AOPEP: variants seen among roughly 807,000 people sequenced by gnomAD.
AOPEP encodes aminopeptidase O.
Under a neutral mutation model 98.1 loss-of-function variants are expected in AOPEP, and 77 were observed. The ratio of observed to expected loss-of-function variants is 0.78; its 90% CI spans 0.65 to 0.95. AOPEP has a LOEUF of 0.95. Among genes scored for constraint, AOPEP ranks in the 40% least tolerant of loss-of-function variants. The probability of loss-of-function intolerance (pLI) is 0.00; values close to 1 mark genes in which losing one functional copy is unlikely to be tolerated. For missense variants in AOPEP, 1,024 were observed against 1,024.7 expected (o/e 1.00, Z 0.01); for synonymous variants, 346 against 365.3 (o/e 0.95, Z 0.60).
intron 5 of AOPEP, among the ~76,000 whole-genome samples, chr9:94,823,017 A>G (rs924409821): frequency 1.3e-5 from 2 of 148,398 alleles, no homozygotes; most frequent in Non-Finnish European, 3.0e-5. Context: ...CTTTTGTGAG[A>G]TGGAGTTTCG....
chr9:94,770,643 G>A (rs1840658288), intron 2 of AOPEP, among the ~76,000 whole-genome samples: 1 of 152,126 alleles, frequency 6.6e-6, no homozygotes, highest in Admixed American at 6.5e-5. Context: ...GTAAATGATG[G>A]GAGAGAGAGT....
chr9:95,004,237 G>A (rs1225930852), intron 11 of AOPEP: 2 of 456,520 alleles, frequency 4.4e-6, no homozygotes, highest in Non-Finnish European at 8.8e-6. Context: ...CGGATGAGAA[G>A]GCCTTTGGCG....
At chr9:94,904,014 T>G (rs1222431722) in intron 5 of AOPEP, 6 of 151,096 alleles carry the variant, frequency 4.0e-5, no homozygotes, top group Admixed American at 2.0e-4. Context: ...AAAAAAAAAT[T>G]ACTAAAACAT....
intron 3 of AOPEP, among the ~76,000 whole-genome samples, chr9:94,777,431 C>CAA (rs949209063): frequency 2.2e-5 from 2 of 91,996 alleles, no homozygotes; most frequent in Non-Finnish European, 2.2e-5. Flanking sequence ...GACTCCATCT[C>CAA]AAAAAAAAAA....
intron 5 of AOPEP, among the ~76,000 whole-genome samples, chr9:94,835,283 A>G (rs181916713): frequency 4.6e-5 from 7 of 152,286 alleles, no homozygotes; most frequent in African/African-American, 7.2e-5. Context: ...CCCCAAAACA[A>G]TGAGTACTTT....
intron 10 of AOPEP, 50 bp from the exon 11 acceptor site, chr9:94,979,317 G>A: frequency 8.0e-7 from 1 of 1,244,990 alleles, no homozygotes. Flanking sequence ...TGTGTAATAA[G>A]CGCTCTGTAA....
chr9:94,974,616 G>C (rs1375082427), intron 10 of AOPEP, among the ~76,000 whole-genome samples: 1 of 152,084 alleles, frequency 6.6e-6, no homozygotes, highest in African/African-American at 2.4e-5. Context: ...AAATGTAACC[G>C]AAGGGTTGAC....
the AOPEP span, among the ~76,000 whole-genome samples, chr9:95,129,885 G>A: frequency 6.6e-6 from 1 of 152,142 alleles, no homozygotes; most frequent in Non-Finnish European, 1.5e-5. Flanking sequence ...TCTGCTGGGT[G>A]TGCATCCCCT....
chr9:94,802,707 C>T (rs540399954), intron 5 of AOPEP, among the ~76,000 whole-genome samples: 5 of 152,226 alleles, frequency 3.3e-5, no homozygotes, highest in East Asian at 1.9e-4. Context: ...GCAGGAGAAC[C>T]GTATATTCAA....
the AOPEP span, among the ~76,000 whole-genome samples, chr9:95,103,033 A>G: frequency 6.6e-6 from 1 of 152,214 alleles, no homozygotes; most frequent in African/African-American, 2.4e-5. Context: ...TGACAGGCAC[A>G]TAGTGCTGAT....
At chr9:95,041,875 C>G (rs776702528) in intron 13 of AOPEP, among the ~76,000 whole-genome samples, 1 of 152,142 alleles carries the variant, frequency 6.6e-6, no homozygotes, top group Admixed American at 6.5e-5. Context: ...CCCCTCCCCC[C>G]AAACCCAACA....
downstream of AOPEP, among the ~76,000 whole-genome samples, chr9:95,090,359 A>G (rs969989540): frequency 1.1e-4 from 17 of 152,238 alleles, no homozygotes; most frequent in Non-Finnish European, 2.5e-4. Flanking sequence ...TTCAGCCCGC[A>G]GGAGCCGGGC....
At chr9:94,831,653 C>A (rs1855982865) in intron 5 of AOPEP, among the ~76,000 whole-genome samples, 1 of 152,002 alleles carries the variant, frequency 6.6e-6, no homozygotes, top group Non-Finnish European at 1.5e-5. Flanking sequence ...TCAGTATGGC[C>A]ATCTTCACAA....
chr9:95,132,975 C>A, the AOPEP span, among the ~76,000 whole-genome samples: 2 of 152,224 alleles, frequency 1.3e-5, no homozygotes, highest in Non-Finnish European at 2.9e-5. Context: ...ACTTTAATTA[C>A]TCTCAGAATC....
At chr9:94,870,442 A>G (rs1169019391) in intron 5 of AOPEP, among the ~76,000 whole-genome samples, 1 of 152,180 alleles carries the variant, frequency 6.6e-6, no homozygotes, top group Non-Finnish European at 1.5e-5. Flanking sequence ...TTCAAATCCC[A>G]TTCAGTCCTC....
chr9:95,113,527 T>C, the AOPEP span, among the ~76,000 whole-genome samples: 2 of 151,728 alleles, frequency 1.3e-5, no homozygotes, highest in African/African-American at 4.8e-5. Flanking sequence ...GGCACAGCGG[T>C]CCACACCTGT....
chr9:95,043,571 A>G (rs949768647), intron 13 of AOPEP, among the ~76,000 whole-genome samples: 5 of 152,226 alleles, frequency 3.3e-5, no homozygotes, highest in African/African-American at 1.2e-4. Context: ...ATTTGTACTA[A>G]CATAGGAAAA....
the AOPEP span, among the ~76,000 whole-genome samples, chr9:95,143,157 G>A: frequency 6.6e-6 from 1 of 152,160 alleles, no homozygotes; most frequent in African/African-American, 2.4e-5. Flanking sequence ...AATTTATTCT[G>A]AAAGATACAA....
rs1330976123 is a variant in AOPEP, at chr9:94,766,822, A to AT, written c.798-6173dup. Among the ~76,000 whole-genome samples, 12 of 151,648 alleles carry AT rather than the reference A, an allele frequency of 7.9e-5. No individual in the cohort carries two copies. In the East Asian group the frequency reaches 2.1e-3, roughly 27 times the overall value. ...ATTTAAACTTTTGTAAAACATTGTG[A>AT]TTTTTTTGTTTGTTTGTTTTAGACA... On this transcript the variant is annotated intron_variant, in intron 2 of 16. Transcript: ENST00000375315.
Sources: allele counts gnomAD v4.1 joint callset (sites outside exome capture counted in the v4.1 genomes callset), GRCh38; gene constraint gnomAD v4.1.1; transcripts MANE v1.5; gene names NCBI Gene and HGNC (gene_info 2026-07-23, HGNC 2026-07-21).